The following TTBK1 variants were observed in gnomAD, a reference collection of about 807,000 sequenced individuals.
TTBK1 encodes the protein tau tubulin kinase 1.
In TTBK1, 34 loss-of-function variants were observed where a neutral mutation model predicts 108.5. The ratio of observed to expected loss-of-function variants is 0.31; its 90% CI spans 0.24 to 0.42. TTBK1 has a LOEUF of 0.42. Among genes scored for constraint, TTBK1 ranks in the 10% least tolerant of loss-of-function variants. The pLI is 1.00. For missense variants in TTBK1, 1,539 were observed against 1,826.0 expected (o/e 0.84, Z 2.86); for synonymous variants, 809 against 795.1 (o/e 1.02, Z -0.29).
rs749118010 is a variant in TTBK1, at chr6:43,265,264, G to C, written c.1986+1914G>C. Among the ~76,000 whole-genome samples the C allele has an allele frequency of 6.6e-6, 1 of 152,192 alleles. No individual in the cohort carries two copies. The highest frequency in any genetic ancestry group is 1.5e-5 in the Non-Finnish European group (1 of 68,018). On this transcript the variant is annotated intron_variant, in intron 13 of 14. Transcript: ENST00000259750. The surrounding 1 kb of genome is among the most constrained non-coding windows in gnomAD (Gnocchi z 4.1). ...GGGCCAGGGGCCAGTTCTACCACTT[G>C]CTCAGATTGGGAGGCCTTGCCTGGG...
chr6:43,284,998 G>T lies in TTBK1; in HGVS notation c.3588G>T (p.Thr1196=). Residue 1196 remains threonine (T), a synonymous_variant, in exon 15 of 15, where the codon ACG becomes ACT. Transcript: ENST00000259750. The part of the protein sequence containing the change: ...TAITSRLQLQ[T]PPGSATAADL... ...TCTCAAGCAGGCTCCAGCTGCAGAC[G>T]CCCCCAGGGTCGGCCACTGCTGCTG... 6.6e-7 allele frequency: 1 copy of T among 1,516,064 alleles called. No homozygotes were observed. The highest frequency in any genetic ancestry group is 8.8e-7 in the Non-Finnish European group (1 of 1,137,628). 93.9% of individuals were successfully genotyped at this position (1,516,064 alleles called of 1,614,324 possible). A position where few individuals can be genotyped will look rare whatever the true frequency, so the allele number is the denominator to read the frequency against.
At chr6:43,277,190 T>C (rs1225633096) in intron 13 of TTBK1, among the ~76,000 whole-genome samples, 1 of 151,992 alleles carries the variant, frequency 6.6e-6, no homozygotes, top group African/African-American at 2.4e-5. Flanking sequence ...CTGAGAGATA[T>C]GGGAGATGCA....
Position 43,285,417 on chromosome 6 carries a change from GC to G in TTBK1, c.*47del, listed in dbSNP as rs1414382470. ...TCCGCGGTCCCCCACCCTCACCCCG[GC>G]CCCCCACCCGCAGCCGGCCACACTG... On this transcript the variant is annotated 3_prime_UTR_variant, in exon 15 of 15. Coordinates refer to ENST00000259750, the MANE Select transcript of TTBK1 (RefSeq NM_032538.3). The surrounding 1 kb of genome is among the most constrained non-coding windows in gnomAD (Gnocchi z 4.7). 8.0e-7 allele frequency: 1 copy of G among 1,247,590 alleles called. No individual in the cohort carries two copies. Among genetic ancestry groups the G allele is most frequent in the South Asian group, 3.5e-5 (1 of 28,414 alleles). The allele number at this position is 1,247,590 out of a possible 1,614,324, so 77.3% of individuals were successfully genotyped here. A position where few individuals can be genotyped will look rare whatever the true frequency, so the allele number is the denominator to read the frequency against.
rs1031069422 is a variant in TTBK1 at position 43,262,946 on chromosome 6, C to T, written c.1582C>T (p.Arg528Cys). 3 of 1,613,940 alleles carry T rather than the reference C, an allele frequency of 1.9e-6. No homozygotes were observed. Among genetic ancestry groups the T allele is most frequent in the East Asian group, 2.2e-5 (1 of 44,876 alleles). Residue 528 changes from arginine (R) to cysteine (C), a missense_variant, in exon 13 of 15, where the codon CGC (arginine) becomes TGC (cysteine). Physicochemically the swap from Arg to Cys is radical, Grantham distance 180 (BLOSUM62 -3). Around this residue, in one of 5 missense-constraint regions of TTBK1, gnomAD observed 277 missense variants for 332.4 expected, o/e 0.83. Transcript: ENST00000259750. ...GCAGGAGGCCCTGAGCAACGCCTTC[C>T]GCTCGGTGCCGCTGGCTGAGGAGGA... ...VEQEALSNAF[R>C]SVPLAEEEDF...
At chr6:43,281,949 G>C (rs902286270) in intron 13 of TTBK1, among the ~76,000 whole-genome samples, 5 of 152,192 alleles carry the variant, frequency 3.3e-5, no homozygotes, top group African/African-American at 1.2e-4. Context: ...GGGGGACATG[G>C]CAAGAGTCTA....
At position 43,283,336 on chromosome 6, in the gene TTBK1, A is replaced by G; in HGVS notation, c.2596A>G (p.Thr866Ala). ...DPDLGTLAAL[T>A]PQHERPQPTG... The stretch of plus-strand genomic sequence containing the variant: ...CGACCTGGGCACCCTGGCTGCCCTC[A>G]CTCCTCAGCATGAGCGGCCCCAGCC... Residue 866 changes from threonine (T) to alanine (A), a missense_variant, in exon 14 of 15, where the codon ACT (threonine) becomes GCT (alanine). Physicochemically the swap from Thr to Ala is moderately conservative, Grantham distance 58. Around this residue, in one of 5 missense-constraint regions of TTBK1, gnomAD observed 1,055 missense variants for 1,086.5 expected, o/e 0.97. Transcript: ENST00000259750. This position sits in a 1 kb window ranked among gnomAD's most constrained non-coding sequence, Gnocchi z 8.1. 4 of 1,588,992 alleles carry G rather than the reference A, an allele frequency of 2.5e-6. No homozygotes were observed. The highest frequency in any genetic ancestry group is 1.8e-5 in the Admixed American group (1 of 56,442).
At chr6:43,280,704 G>A (rs1216187543) in intron 13 of TTBK1, among the ~76,000 whole-genome samples, 1 of 152,192 alleles carries the variant, frequency 6.6e-6, no homozygotes, top group African/African-American at 2.4e-5. Context: ...ATAGGTGGGA[G>A]ATTCTCTCAC....
chr6:43,252,938 C>T (rs1395692650), intron 3 of TTBK1, 52 bp downstream of exon 3: 1 of 1,596,786 alleles, frequency 6.3e-7, no homozygotes, highest in Non-Finnish European at 8.5e-7. Context: ...AAGCCAGGGG[C>T]TAAGAGAGGT....
chr6:43,284,425 A>G (rs367562763), intron 14 of TTBK1, 113 bp downstream of exon 14: 7 of 947,036 alleles, frequency 7.4e-6, no homozygotes, highest in Admixed American at 4.2e-5. Context: ...AGGGACCCTC[A>G]GTGACACCTC....
At position 43,273,069 on chromosome 6, in the gene TTBK1, C is replaced by T. The variant is rs1777877533; in HGVS notation, c.1987-9658C>T. Among the ~76,000 whole-genome samples the T allele has an allele frequency of 6.6e-6, 1 of 152,206 alleles. No individual in the cohort carries two copies. The highest frequency in any genetic ancestry group is 2.4e-5 in the African/African-American group (1 of 41,438). ...GCCAGGCAGCGATCTAAGCACTTTA[C>T]AAAATTAACTCATTTAAACCTCATG... On this transcript the variant is annotated intron_variant, in intron 13 of 14. Transcript: ENST00000259750. The surrounding 1 kb of genome is among the most constrained non-coding windows in gnomAD (Gnocchi z 4.2).
rs749663797 is a variant in TTBK1 at position 43,283,676 on chromosome 6, T to C, written c.2936T>C (p.Leu979Pro). Reference sequence around the variant, plus strand: ...GTGGAGGAGGGGGCCCGAGCGCCCCTGGAGAACGGCCTCGCCCTGTCAGGG... The same window carrying C: ...GTGGAGGAGGGGGCCCGAGCGCCCCCGGAGAACGGCCTCGCCCTGTCAGGG... ...GAVEEGARAPLENGLALSGLN... is the reference protein window; with the variant it reads ...GAVEEGARAPPENGLALSGLN... Residue 979 changes from leucine (L) to proline (P), a missense_variant, in exon 14 of 15, where the codon CTG (leucine) becomes CCG (proline). Leu to Pro is a moderately conservative substitution (Grantham distance 98). Around this residue, in one of 5 missense-constraint regions of TTBK1, gnomAD observed 1,055 missense variants for 1,086.5 expected, o/e 0.97. Transcript: ENST00000259750. The surrounding 1 kb of genome is among the most constrained non-coding windows in gnomAD (Gnocchi z 8.1). 4 of 1,613,912 alleles carry C rather than the reference T, an allele frequency of 2.5e-6. No individual in the cohort carries two copies. Among genetic ancestry groups the C allele is most frequent in the Non-Finnish European group, 2.5e-6 (3 of 1,179,938 alleles).
chr6:43,253,485 T>A lies in TTBK1; in HGVS notation c.331-83T>A. 1 of 1,590,182 alleles carries A rather than the reference T, an allele frequency of 6.3e-7. No homozygotes were observed. On this transcript the variant is annotated intron_variant, in intron 4 of 14. Transcript: ENST00000259750. This position sits in a 1 kb window ranked among gnomAD's most constrained non-coding sequence, Gnocchi z 5.8. Reference sequence around the variant, plus strand: ...GGGCAGTGGGCACAACCCTTTGGGGTGAGGCTGGGAAGAGTATCACAATGA... The same window carrying A: ...GGGCAGTGGGCACAACCCTTTGGGGAGAGGCTGGGAAGAGTATCACAATGA...
At chr6:43,279,920 G>A (rs1237752148) in intron 13 of TTBK1, among the ~76,000 whole-genome samples, 1 of 150,990 alleles carries the variant, frequency 6.6e-6, no homozygotes, top group African/African-American at 2.4e-5. Context: ...GCTAATTTTT[G>A]TATTTTTAGT....
intron 13 of TTBK1, chr6:43,271,917 C>T (rs1048899041): frequency 1.0e-6 from 1 of 984,256 alleles, no homozygotes. Flanking sequence ...TCCCCAAACC[C>T]AAGCCTCTGT....
intron 13 of TTBK1, chr6:43,271,527 C>T (rs1777834653): frequency 1.0e-6 from 1 of 985,386 alleles, no homozygotes; most frequent in South Asian, 4.7e-5. Flanking sequence ...CACTCTTCTA[C>T]CCCTCTCTCC....
chr6:43,285,217 G>A lies in TTBK1; in HGVS notation c.3807G>A (p.Gly1269=). 1 of 1,314,814 alleles carries A rather than the reference G, an allele frequency of 7.6e-7. No homozygotes were observed. Among genetic ancestry groups the A allele is most frequent in the Non-Finnish European group, 9.7e-7 (1 of 1,035,702 alleles). The allele number at this position is 1,314,814 out of a possible 1,614,324, so 81.4% of individuals were successfully genotyped here. A position where few individuals can be genotyped will look rare whatever the true frequency, so the allele number is the denominator to read the frequency against. ...SPSPSHQARP[G]VPPPRGVPPA... ...CCCCCTCGCACCAGGCCCGGCCCGGGGTCCCCCCGCCCCGGGGCGTCCCGC... is the reference window on the plus strand; with the variant it reads ...CCCCCTCGCACCAGGCCCGGCCCGGAGTCCCCCCGCCCCGGGGCGTCCCGC... The change falls in exon 15 of 15, where the codon GGG becomes GGA. Residue 1269 remains glycine (G), a synonymous_variant. Coordinates refer to ENST00000259750, the MANE Select transcript of TTBK1 (RefSeq NM_032538.3). The surrounding 1 kb of genome is among the most constrained non-coding windows in gnomAD (Gnocchi z 4.7).
rs1562093006 is a variant in TTBK1, at chr6:43,269,439, G to C, written c.1986+6089G>C. The stretch of plus-strand genomic sequence containing the variant: ...AAGTTCCAGAGAGAAGGAGGAGGGG[G>C]AAGGGCGTTGGAGGCCAGAGCCTAG... On this transcript the variant is annotated intron_variant, in intron 13 of 14. Coordinates refer to ENST00000259750, the MANE Select transcript of TTBK1 (RefSeq NM_032538.3). The surrounding 1 kb of genome is among the most constrained non-coding windows in gnomAD (Gnocchi z 4.8). 1.3e-5 allele frequency among the ~76,000 whole-genome samples: 2 copies of C among 152,186 alleles called. No individual in the cohort carries two copies. The highest frequency in any genetic ancestry group is 2.9e-5 in the Non-Finnish European group (2 of 68,034).
chr6:43,243,570 GGCC>G lies in TTBK1; in HGVS notation c.-182_-180del. On this transcript the variant is annotated 5_prime_UTR_variant, in exon 1 of 15. Transcript: ENST00000259750. The surrounding 1 kb of genome is among the most constrained non-coding windows in gnomAD (Gnocchi z 5.5). ...CGGGCCGGGATGATCCGGGTCGGAAGGCCGCCGCCGCCGGAGGGAGCGGGTCAC... is the reference window on the plus strand; with the variant it reads ...CGGGCCGGGATGATCCGGGTCGGAAGGCCGCCGCCGGAGGGAGCGGGTCAC... The G allele has an allele frequency of 6.6e-6, 1 of 152,642 alleles. No individual in the cohort carries two copies. Among genetic ancestry groups the G allele is most frequent in the East Asian group, 1.9e-4 (1 of 5,160 alleles). 9.5% of individuals were successfully genotyped at this position (152,642 alleles called of 1,614,324 possible).
intron 7 of TTBK1, 75 bp from the exon 8 acceptor site, chr6:43,255,477 C>T (rs946506994): frequency 4.3e-6 from 6 of 1,386,138 alleles, no homozygotes; most frequent in Admixed American, 2.0e-5. Context: ...ACAGATGCCC[C>T]TCAGAGAAGG....
Sources: allele counts gnomAD v4.1 joint callset (sites outside exome capture counted in the v4.1 genomes callset), GRCh38; gene constraint gnomAD v4.1.1; regional missense constraint gnomAD v4.1.1; non-coding constraint Gnocchi (gnomAD v3.1); transcripts MANE v1.5; gene names NCBI Gene and HGNC (gene_info 2026-07-23, HGNC 2026-07-21).